RBFOX1: variants seen among roughly 807,000 people sequenced by gnomAD.
RBFOX1 encodes the protein RNA binding fox-1 homolog 1, also known as RNA binding protein fox-1 homolog 1.
RBFOX1 carries 8 observed loss-of-function variants against 57.7 expected under a neutral mutation model. That is an observed-to-expected ratio of 0.14 (90% CI 0.08 to 0.25). RBFOX1 has a LOEUF of 0.25. Ranked by LOEUF, RBFOX1 falls within the 10% of genes least tolerant of loss-of-function variation. RBFOX1 has a pLI of 1.00. For missense variants in RBFOX1, 611 were observed against 548.5 expected (o/e 1.11, Z -1.14); for synonymous variants, 326 against 222.4 (o/e 1.47, Z -4.15).
At chr16:6,647,931 T>C (rs1289414020) in intron 2 of RBFOX1, among the ~76,000 whole-genome samples, 1 of 152,160 alleles carries the variant, frequency 6.6e-6, no homozygotes, top group Non-Finnish European at 1.5e-5. Flanking sequence ...AACATCAGTC[T>C]ACAGGGTTTA....
At chr16:7,198,285 G>C (rs759090471) in intron 4 of RBFOX1, among the ~76,000 whole-genome samples, 3 of 152,130 alleles carry the variant, frequency 2.0e-5, no homozygotes, top group Non-Finnish European at 4.4e-5. Flanking sequence ...GATTACAGGC[G>C]TAAGCCACCG....
intron 3 of RBFOX1, among the ~76,000 whole-genome samples, chr16:5,614,990 C>G (rs1596465454): frequency 1.3e-5 from 2 of 152,132 alleles, no homozygotes; most frequent in South Asian, 4.2e-4. Flanking sequence ...GCTTTGCACC[C>G]AGATTTCCAT....
At chr16:7,218,790 C>A (rs1054647901) in intron 4 of RBFOX1, among the ~76,000 whole-genome samples, 1 of 151,628 alleles carries the variant, frequency 6.6e-6, no homozygotes, top group African/African-American at 2.4e-5. Context: ...TCTTCTACTG[C>A]ACGATGCAAT....
chr16:7,340,625 C>G (rs1405027635), intron 4 of RBFOX1, among the ~76,000 whole-genome samples: 1 of 152,120 alleles, frequency 6.6e-6, no homozygotes, highest in African/African-American at 2.4e-5. Flanking sequence ...GATTCATGAT[C>G]CATGCAGCCA....
chr16:5,794,273 CTT>C (rs1414689229), intron 3 of RBFOX1, among the ~76,000 whole-genome samples: 1 of 152,036 alleles, frequency 6.6e-6, no homozygotes, highest in Non-Finnish European at 1.5e-5. Flanking sequence ...TCTTCCTCCT[CTT>C]TGTTTCCCTC....
intron 3 of RBFOX1, among the ~76,000 whole-genome samples, chr16:7,035,980 C>G (rs920043077): frequency 1.3e-5 from 2 of 152,112 alleles, no homozygotes; most frequent in African/African-American, 4.8e-5. Flanking sequence ...ATGAATACTC[C>G]TCAAGTTTCT....
chr16:7,495,114 C>A (rs8064181), intron 4 of RBFOX1, among the ~76,000 whole-genome samples: 29,902 of 152,024 alleles, frequency 0.2, 3,214 homozygotes, highest in East Asian at 0.33. Flanking sequence ...ATAATTGCCT[C>A]CAGCTGCATC....
chr16:7,567,127 A>G (rs532798187), intron 5 of RBFOX1, among the ~76,000 whole-genome samples: 48 of 130,402 alleles, frequency 3.7e-4, no homozygotes, highest in Non-Finnish European at 6.7e-4. Flanking sequence ...ATATCTCCCT[A>G]TATATGTATA....
intron 13 of RBFOX1, among the ~76,000 whole-genome samples, chr16:7,670,950 A>G (rs867868086): frequency 3.9e-5 from 6 of 152,226 alleles, no homozygotes; most frequent in Non-Finnish European, 7.3e-5. Context: ...TTTGATATGT[A>G]TATTAACACT....
Position 6,317,033 on chromosome 16 carries a change from C to T in RBFOX1, c.-88C>T. ...GAACTCATGCAAGTGGAACTTACAG[C>T]TTCCTTGATCGGACTCAGCATTCAG... On this transcript the variant is annotated 5_prime_UTR_variant, in exon 2 of 16. Coordinates refer to ENST00000550418, the MANE Select transcript of RBFOX1 (RefSeq NM_018723.4). The T allele has an allele frequency of 6.5e-7, 1 of 1,535,526 alleles. No individual in the cohort carries two copies. The highest frequency in any genetic ancestry group is 2.0e-5 in the Admixed American group (1 of 50,978).
chr16:7,569,065 C>G (rs1033926674), intron 5 of RBFOX1, among the ~76,000 whole-genome samples: 4 of 151,878 alleles, frequency 2.6e-5, no homozygotes, highest in Non-Finnish European at 5.9e-5. Context: ...CCCTTTTAAA[C>G]CCATTATCCG....
intron 4 of RBFOX1, among the ~76,000 whole-genome samples, chr16:7,207,759 G>T (rs1207327377): frequency 6.6e-6 from 1 of 152,186 alleles, no homozygotes; most frequent in South Asian, 2.1e-4. Flanking sequence ...GGGTTAATTT[G>T]CCTGTTGCAC....
chr16:6,255,763 A>G (rs1053527072), intron 1 of RBFOX1, among the ~76,000 whole-genome samples: 2 of 151,982 alleles, frequency 1.3e-5, no homozygotes, highest in Non-Finnish European at 2.9e-5. Flanking sequence ...GAAGCTGGAA[A>G]CCGTCGTTCT....
intron 3 of RBFOX1, among the ~76,000 whole-genome samples, chr16:6,959,718 C>T (rs1167123661): frequency 6.6e-6 from 1 of 152,102 alleles, no homozygotes; most frequent in African/African-American, 2.4e-5. Context: ...AGGCGGATCA[C>T]CTGAGGTCAG....
intron 4 of RBFOX1, among the ~76,000 whole-genome samples, chr16:7,292,710 G>C (rs1272047594): frequency 6.6e-6 from 1 of 151,868 alleles, no homozygotes; most frequent in Non-Finnish European, 1.5e-5. Context: ...TCCAGCCAGG[G>C]ACATATATAG....
chr16:6,342,802 C>G (rs1048059384), intron 2 of RBFOX1, among the ~76,000 whole-genome samples: 1 of 152,176 alleles, frequency 6.6e-6, no homozygotes, highest in African/African-American at 2.4e-5. Context: ...ATGCCACTCA[C>G]AAGCTCGTCT....
chr16:6,876,293 G>C (rs138251562), intron 3 of RBFOX1, among the ~76,000 whole-genome samples: 3 of 152,100 alleles, frequency 2.0e-5, no homozygotes, highest in African/African-American at 4.8e-5. Flanking sequence ...TCACCCAGTT[G>C]CTTCCTGGTC....
At position 7,579,580 on chromosome 16, in the gene RBFOX1, A is replaced by G. The variant is rs186027148; in HGVS notation, c.271-197A>G. Among the ~76,000 whole-genome samples, 135 of 152,308 alleles carry G rather than the reference A, an allele frequency of 8.9e-4. 2 individuals carry two copies. Among genetic ancestry groups the G allele is most frequent in the African/African-American group, 3.1e-3 (129 of 41,578 alleles). On this transcript the variant is annotated intron_variant, in intron 5 of 15. Coordinates refer to ENST00000550418, the MANE Select transcript of RBFOX1 (RefSeq NM_018723.4). ...TCTGCTTTTCCCACTGCCTAATCCC[A>G]GATTCATAATGAGCACCCAGTGGAC...
intron 3 of RBFOX1, among the ~76,000 whole-genome samples, chr16:7,029,081 TACACACACACACACAC>T (rs71147635): frequency 0.021 from 1,008 of 47,954 alleles, 116 homozygotes; most frequent in Middle Eastern, 0.048. Flanking sequence ...TATATATATA[TACACACACACACACAC>T]ACACACACAC....
Sources: gnomAD v4.1 joint callset for allele counts (sites outside exome capture counted in the v4.1 genomes callset) on GRCh38, gnomAD v4.1.1 for gene constraint, MANE v1.5 for transcripts, NCBI Gene and HGNC (gene_info 2026-07-23, HGNC 2026-07-21) for gene names.